Variants in TRPC1 observed in about 807,000 individuals in gnomAD.
TRPC1 encodes transient receptor potential cation channel subfamily C member 1.
Under a neutral mutation model 88.2 loss-of-function variants are expected in TRPC1, and 42 were observed. The ratio of observed to expected loss-of-function variants is 0.48; its 90% confidence interval spans 0.37 to 0.62. TRPC1 has a LOEUF of 0.62. Ranked by LOEUF, TRPC1 falls within the 20% of genes least tolerant of loss-of-function variation. The probability of loss-of-function intolerance (pLI) is 0.00; values close to 1 mark genes in which losing one functional copy is unlikely to be tolerated. For missense variants in TRPC1, 699 were observed against 957.3 expected (o/e 0.73, Z 3.56); for synonymous variants, 288 against 331.8 (o/e 0.87, Z 1.43).
chr3:142,779,821 T>TAAGTTATG (rs1935901785), intron 5 of TRPC1, among the ~76,000 whole-genome samples: 1 of 152,050 alleles, frequency 6.6e-6, no homozygotes, highest in African/African-American at 2.4e-5. Context: ...ACTTCATTCT[T>TAAGTTATG]AAGTTATGAT....
chr3:142,762,090 C>G (rs1282450263), intron 4 of TRPC1, among the ~76,000 whole-genome samples: 1 of 152,094 alleles, frequency 6.6e-6, no homozygotes, highest in Non-Finnish European at 1.5e-5. Context: ...GTCTGGAGTA[C>G]AGTGGCGTGA....
chr3:142,756,489 A>G (rs1170724817), intron 4 of TRPC1, among the ~76,000 whole-genome samples: 2 of 151,676 alleles, frequency 1.3e-5, no homozygotes, highest in Non-Finnish European at 2.9e-5. Flanking sequence ...CCTCCCGAGT[A>G]GCTGGAACTA....
At chr3:142,760,197 A>G (rs1276085231) in intron 4 of TRPC1, among the ~76,000 whole-genome samples, 15 of 152,106 alleles carry the variant, frequency 9.9e-5, no homozygotes, top group Non-Finnish European at 4.4e-5. Context: ...AGTTTCCCCA[A>G]TGTTTAATTT....
At chr3:142,744,357 G>C (rs143805031) in intron 3 of TRPC1, among the ~76,000 whole-genome samples, 1,692 of 152,174 alleles carry the variant, frequency 0.011, 33 homozygotes, top group African/African-American at 0.038. Context: ...CATAAGAAAG[G>C]TGTTCATATG....
At chr3:142,756,390 C>T (rs1298381602) in intron 4 of TRPC1, among the ~76,000 whole-genome samples, 5 of 146,014 alleles carry the variant, frequency 3.4e-5, no homozygotes, top group Non-Finnish European at 7.4e-5. Flanking sequence ...GACAGAGTCT[C>T]GCTCTGTTGC....
intron 10 of TRPC1, 150 bp from the exon 11 acceptor site, chr3:142,803,827 T>C (rs1936694679): frequency 2.7e-6 from 2 of 731,798 alleles, no homozygotes; most frequent in Non-Finnish European, 4.4e-6. Context: ...GTAAGGCATA[T>C]CAGTACTGTG....
intron 7 of TRPC1, among the ~76,000 whole-genome samples, chr3:142,787,255 G>T (rs928199293): frequency 2.0e-5 from 3 of 152,274 alleles, no homozygotes; most frequent in Admixed American, 1.3e-4. Flanking sequence ...AGCCTTTTAT[G>T]TAATTAGGTC....
Position 142,791,165 on chromosome 3 carries a change from A to G in TRPC1, c.1437+7A>G. 6.3e-7 allele frequency: 1 copy of G among 1,591,852 alleles called. No homozygotes were observed. Among genetic ancestry groups the G allele is most frequent in the Non-Finnish European group, 8.5e-7 (1 of 1,172,274 alleles). On this transcript the variant is annotated splice_region_variant and intron_variant, in intron 8 of 12. Coordinates refer to ENST00000476941, the MANE Select transcript of TRPC1 (RefSeq NM_001251845.2). Reference sequence around the variant, plus strand: ...AGTGGTTGCTCACAACAAGGTGACTATTTACTATGTCAATTGAAGGCACAA... The same window carrying G: ...AGTGGTTGCTCACAACAAGGTGACTGTTTACTATGTCAATTGAAGGCACAA...
At chr3:142,796,146 CAT>C (rs1164816381) in intron 9 of TRPC1, among the ~76,000 whole-genome samples, 3 of 152,010 alleles carry the variant, frequency 2.0e-5, no homozygotes, top group African/African-American at 7.2e-5. Flanking sequence ...GGCATAGAGA[CAT>C]TAAGTAACTT....
intron 2 of TRPC1, among the ~76,000 whole-genome samples, chr3:142,739,869 G>T (rs1934279815): frequency 1.3e-5 from 2 of 152,062 alleles, no homozygotes; most frequent in Non-Finnish European, 2.9e-5. Flanking sequence ...AGGGGGAAAA[G>T]GCAGATATGA....
chr3:142,773,790 T>G (rs1404356980), intron 4 of TRPC1, among the ~76,000 whole-genome samples: 1 of 149,824 alleles, frequency 6.7e-6, no homozygotes, highest in Non-Finnish European at 1.5e-5. Context: ...TTTAATGAAG[T>G]CTATCCCCGC....
intron 6 of TRPC1, among the ~76,000 whole-genome samples, chr3:142,782,786 G>T (rs888160260): frequency 6.6e-6 from 1 of 152,208 alleles, no homozygotes; most frequent in Non-Finnish European, 1.5e-5. Context: ...ACAATGGGCA[G>T]ACTTTGAGGA....
At chr3:142,795,977 T>G (rs1444988537) in intron 9 of TRPC1, among the ~76,000 whole-genome samples, 3 of 152,154 alleles carry the variant, frequency 2.0e-5, no homozygotes, top group Non-Finnish European at 4.4e-5. Context: ...TGTACATAAT[T>G]GTGGTAATAA....
intron 4 of TRPC1, among the ~76,000 whole-genome samples, chr3:142,761,809 C>A (rs1935192932): frequency 6.6e-6 from 1 of 152,008 alleles, no homozygotes. Flanking sequence ...GGTAGGTTGT[C>A]TGTGTCCAGG....
At position 142,772,115 on chromosome 3, in the gene TRPC1, T is replaced by A. The variant is rs902225442; in HGVS notation, c.633-5517T>A. Among the ~76,000 whole-genome samples the A allele has an allele frequency of 2.6e-5, 4 of 152,212 alleles. No individual in the cohort carries two copies. In the East Asian group the frequency reaches 7.7e-4, roughly 29 times the overall value. On this transcript the variant is annotated intron_variant, in intron 4 of 12. Transcript: ENST00000476941. The stretch of plus-strand genomic sequence containing the variant: ...GAGATTTTGTCTTTGACTTTCAGCA[T>A]TTTTACTATGATGTTTCTGTTTGTG...
At chr3:142,764,576 T>C (rs1019037630) in intron 4 of TRPC1, among the ~76,000 whole-genome samples, 5 of 152,126 alleles carry the variant, frequency 3.3e-5, no homozygotes, top group Non-Finnish European at 7.4e-5. Flanking sequence ...TTGGGCACTT[T>C]GAAAATGCCA....
At chr3:142,793,814 A>T in intron 9 of TRPC1, 1 of 967,612 alleles carries the variant, frequency 1.0e-6, no homozygotes, top group Non-Finnish European at 1.2e-6. Context: ...TTTTAAATAA[A>T]AGGCATAATT....
intron 4 of TRPC1, among the ~76,000 whole-genome samples, chr3:142,755,248 A>G (rs1934916313): frequency 6.6e-6 from 1 of 151,768 alleles, no homozygotes; most frequent in Non-Finnish European, 1.5e-5. Flanking sequence ...CATGGTGAAA[A>G]CCCATCTCTA....
At chr3:142,798,319 C>G (rs191524931) in intron 9 of TRPC1, among the ~76,000 whole-genome samples, 101 of 152,236 alleles carry the variant, frequency 6.6e-4, no homozygotes, top group African/African-American at 2.3e-3. Flanking sequence ...AATTAATGCA[C>G]TGGGCTCTGG....
Sources: allele counts gnomAD v4.1 joint callset (sites outside exome capture counted in the v4.1 genomes callset), GRCh38; gene constraint gnomAD v4.1.1; transcripts MANE v1.5; gene names NCBI Gene and HGNC (gene_info 2026-07-23, HGNC 2026-07-21).